MNAT1: variants seen among roughly 807,000 people sequenced by gnomAD.
The protein encoded by MNAT1 is CDK-activating kinase assembly factor MAT1.
MNAT1 carries 43 observed loss-of-function variants against 42.0 expected under a neutral mutation model. The ratio of observed to expected loss-of-function variants is 1.02; its 90% CI spans 0.80 to 1.32. The LOEUF is 1.32. MNAT1 is among the 40% of genes most tolerant of loss of function. MNAT1 has a pLI of 0.00. For missense variants in MNAT1, 306 were observed against 350.4 expected, an observed-to-expected ratio of 0.87 and a Z score of 1.01; for synonymous variants, 118 against 120.0, an observed-to-expected ratio of 0.98 and a Z score of 0.11.
intron 7 of MNAT1, among the ~76,000 whole-genome samples, chr14:60,889,697 A>T (rs1426828041): frequency 1.3e-5 from 2 of 152,168 alleles, no homozygotes; most frequent in Non-Finnish European, 2.9e-5. Flanking sequence ...TTCACAACCT[A>T]CTCATCTGGC....
At chr14:60,911,074 T>G (rs199713139) in intron 7 of MNAT1, among the ~76,000 whole-genome samples, 2 of 152,222 alleles carry the variant, frequency 1.3e-5, no homozygotes, top group Non-Finnish European at 2.9e-5. Context: ...TGTCGAGGAA[T>G]TTATCCATTT....
intron 7 of MNAT1, among the ~76,000 whole-genome samples, chr14:60,914,445 TC>T (rs1398219789): frequency 6.6e-6 from 1 of 152,212 alleles, no homozygotes; most frequent in Non-Finnish European, 1.5e-5. Context: ...CTGGAGCTGT[TC>T]CTATTCGGCC....
At chr14:60,942,826 A>G (rs375664449) in intron 7 of MNAT1, among the ~76,000 whole-genome samples, 2 of 152,230 alleles carry the variant, frequency 1.3e-5, no homozygotes, top group African/African-American at 4.8e-5. Context: ...AAATTTTGGG[A>G]TTATTCATTA....
At chr14:60,802,931 CTTTT>C (rs562133472) in intron 3 of MNAT1, among the ~76,000 whole-genome samples, 2 of 133,320 alleles carry the variant, frequency 1.5e-5, no homozygotes, top group Admixed American at 7.6e-5. Flanking sequence ...ATAAATAAAA[CTTTT>C]TTTTTTTTTT....
rs1041324166 is a variant in MNAT1 at position 60,807,101 on chromosome 14, C to T, written c.317-1224C>T. Among the ~76,000 whole-genome samples, 5 of 152,288 alleles carry T rather than the reference C, an allele frequency of 3.3e-5. No homozygotes were observed. The East Asian group carries it at 9.7e-4, about 29-fold the overall frequency. On this transcript the variant is annotated intron_variant, in intron 3 of 7. Coordinates refer to ENST00000261245, the MANE Select transcript of MNAT1 (RefSeq NM_002431.4). ...AGATTTAAAATTGCGTATGATAAAA[C>T]TGAATAGACTTTTGCCTTTATACCT...
chr14:60,759,615 T>C (rs141937689), intron 1 of MNAT1, among the ~76,000 whole-genome samples: 163 of 152,312 alleles, frequency 1.1e-3, no homozygotes, highest in Non-Finnish European at 1.7e-3. Context: ...TGGAAATTGT[T>C]GATGCTTTGA....
chr14:60,795,575 T>C (rs537166621), intron 1 of MNAT1, among the ~76,000 whole-genome samples: 27 of 152,308 alleles, frequency 1.8e-4, no homozygotes, highest in Admixed American at 1.2e-3. Context: ...CAACGAACTT[T>C]AACCGAATAA....
intron 7 of MNAT1, among the ~76,000 whole-genome samples, chr14:60,951,743 T>C (rs969530829): frequency 6.6e-6 from 1 of 152,174 alleles, no homozygotes; most frequent in African/African-American, 2.4e-5. Flanking sequence ...CTGACTCTTT[T>C]ATAAGTGAGG....
intron 7 of MNAT1, chr14:60,919,720 G>C (rs1417393998): frequency 6.4e-6 from 1 of 156,054 alleles, no homozygotes; most frequent in Non-Finnish European, 1.5e-5. Context: ...TCAGCTTTGA[G>C]CAAAAGTAGC....
At position 60,758,083 on chromosome 14, in the gene MNAT1, G is replaced by A. The variant is rs534664482; in HGVS notation, c.89+23132G>A. ...TAAGAAATCTGAGGTCATACTATAT[G>A]TACTAGGCTTATTTCTAAGCCCTAC... is the stretch of plus-strand genomic sequence containing the variant. On this transcript the variant is annotated intron_variant, in intron 1 of 7. Transcript: ENST00000261245. 2.6e-5 allele frequency among the ~76,000 whole-genome samples: 4 copies of A among 152,162 alleles called. No homozygotes were observed. The South Asian group carries it at 8.3e-4, about 32-fold the overall frequency.
At chr14:60,962,546 C>G (rs766310633) in intron 7 of MNAT1, among the ~76,000 whole-genome samples, 8 of 152,078 alleles carry the variant, frequency 5.3e-5, no homozygotes. Context: ...GGAAGTAATC[C>G]TTTCATTATG....
intron 4 of MNAT1, chr14:60,809,136 A>G (rs1357274134): frequency 6.6e-6 from 1 of 152,106 alleles, no homozygotes; most frequent in African/African-American, 2.4e-5. Context: ...TTTAGCTATC[A>G]TTTCTATAGT....
intron 7 of MNAT1, among the ~76,000 whole-genome samples, chr14:60,944,514 TC>T (rs2036235566): frequency 6.6e-6 from 1 of 152,160 alleles, no homozygotes; most frequent in African/African-American, 2.4e-5. Flanking sequence ...GAAATAGACT[TC>T]TATCGTTTAA....
chr14:60,806,522 T>C (rs2032373368), intron 3 of MNAT1, among the ~76,000 whole-genome samples: 1 of 152,162 alleles, frequency 6.6e-6, no homozygotes. Flanking sequence ...AAAGTTCAGG[T>C]TTGGAATCAG....
At chr14:60,923,684 A>G (rs1421716621) in intron 7 of MNAT1, among the ~76,000 whole-genome samples, 1 of 152,182 alleles carries the variant, frequency 6.6e-6, no homozygotes, top group Non-Finnish European at 1.5e-5. Flanking sequence ...TCCCTGGATT[A>G]ACGGATGGAC....
At chr14:60,894,087 C>T (rs1208395804) in intron 7 of MNAT1, among the ~76,000 whole-genome samples, 2 of 152,068 alleles carry the variant, frequency 1.3e-5, no homozygotes, top group Non-Finnish European at 2.9e-5. Context: ...GGGCTGTTTC[C>T]TGCCTCTCCC....
In MNAT1 at chr14:60,968,629, T is replaced by G; in HGVS notation, c.*280T>G. The G allele has an allele frequency of 1.3e-6, 1 of 761,062 alleles. No individual in the cohort carries two copies. 47.1% of individuals were successfully genotyped at this position (761,062 alleles called of 1,614,324 possible). A position where few individuals can be genotyped will look rare whatever the true frequency, so the allele number is the denominator to read the frequency against. On this transcript the variant is annotated 3_prime_UTR_variant, in exon 8 of 8. Coordinates refer to ENST00000261245, the MANE Select transcript of MNAT1 (RefSeq NM_002431.4). ...TAATTCACCTATATGTGTTTGAGGT[T>G]GTGACAGACTTATAAAATCTTTTTA...
chr14:60,879,131 A>G (rs889620363), intron 6 of MNAT1, among the ~76,000 whole-genome samples: 5 of 151,826 alleles, frequency 3.3e-5, no homozygotes, highest in Non-Finnish European at 7.4e-5. Flanking sequence ...TGAGTTATCC[A>G]TTTGTAAACT....
At chr14:60,806,932 G>A (rs967039895) in intron 3 of MNAT1, among the ~76,000 whole-genome samples, 15 of 152,174 alleles carry the variant, frequency 9.9e-5, no homozygotes, top group African/African-American at 3.4e-4. Context: ...ACTGTTTTGT[G>A]TCAGGACTAG....
Sources: gnomAD v4.1 joint callset for allele counts (sites outside exome capture counted in the v4.1 genomes callset) on GRCh38, gnomAD v4.1.1 for gene constraint, MANE v1.5 for transcripts, NCBI Gene and HGNC (gene_info 2026-07-23, HGNC 2026-07-21) for gene names.